The following SP100 variants were observed in gnomAD, a reference collection of about 807,000 sequenced individuals.
SP100 encodes the protein SP100 nuclear body protein, also known as nuclear autoantigen Sp-100.
In SP100, 84 loss-of-function variants were observed where a neutral mutation model predicts 130.0. That is an observed-to-expected ratio of 0.65 (90% confidence interval 0.54 to 0.77). SP100 has a LOEUF of 0.77. SP100 is among the 30% of genes least tolerant of loss of function. The pLI is 0.00. For missense variants in SP100, 978 were observed against 1,052.2 expected (o/e 0.93, Z 0.97); for synonymous variants, 331 against 351.7 (o/e 0.94, Z 0.66).
At chr2:230,461,203 T>C in intron 8 of SP100, 59 bp from the exon 9 acceptor site, 3 of 1,515,602 alleles carry the variant, frequency 2.0e-6, no homozygotes, top group African/African-American at 1.4e-5. Context: ...GAGTTATTAA[T>C]GATAGTGAAG....
chr2:230,474,292 ATTGT>A, intron 16 of SP100, 98 bp from the exon 17 acceptor site: 1 of 684,614 alleles, frequency 1.5e-6, no homozygotes, highest in Non-Finnish European at 2.6e-6. Flanking sequence ...TACTCAGAAT[ATTGT>A]TATAAACGCA....
At chr2:230,417,567 G>A (rs2062641431) in intron 1 of SP100, 24 bp from the exon 2 acceptor site, 2 of 1,605,902 alleles carry the variant, frequency 1.2e-6, no homozygotes, top group Admixed American at 1.7e-5. Flanking sequence ...TTATTTACTT[G>A]GTCCTGCCAA....
At chr2:230,442,073 A>C (rs1025096381) in intron 2 of SP100, among the ~76,000 whole-genome samples, 7 of 152,190 alleles carry the variant, frequency 4.6e-5, no homozygotes, top group African/African-American at 1.7e-4. Context: ...CAATAATGTA[A>C]CATTATTGTT....
In SP100 at chr2:230,536,237, A is replaced by G. The variant is rs1410492421; in HGVS notation, c.2095-3030A>G. ...GTTAACTTTTGATTTTTGGGTGGCTATGTGGGTCACCCATGGTATGGATTT... is the reference window on the plus strand; with the variant it reads ...GTTAACTTTTGATTTTTGGGTGGCTGTGTGGGTCACCCATGGTATGGATTT... On this transcript the variant is annotated intron_variant, in intron 24 of 28. Transcript: ENST00000340126. 6.6e-5 allele frequency among the ~76,000 whole-genome samples: 10 copies of G among 152,162 alleles called. No individual in the cohort carries two copies. In the East Asian group the frequency reaches 1.9e-3, roughly 29 times the overall value.
chr2:230,520,756 G>A (rs1691136160), intron 24 of SP100: 1 of 152,232 alleles, frequency 6.6e-6, no homozygotes. Flanking sequence ...CAACAAAGTT[G>A]AGAGTGTTCC....
At chr2:230,498,419 G>A in intron 18 of SP100, 42 bp from the exon 19 acceptor site, 1 of 1,293,534 alleles carries the variant, frequency 7.7e-7, no homozygotes, top group Non-Finnish European at 1.1e-6. Flanking sequence ...TATAATGTGA[G>A]TTTTTTACAC....
At chr2:230,424,891 T>C (rs945264156) in intron 2 of SP100, among the ~76,000 whole-genome samples, 2 of 152,172 alleles carry the variant, frequency 1.3e-5, no homozygotes, top group Non-Finnish European at 2.9e-5. Context: ...TTTGTCGTCC[T>C]ACAGAAATCA....
intron 8 of SP100, among the ~76,000 whole-genome samples, chr2:230,452,565 T>C (rs1427202352): frequency 1.3e-5 from 2 of 152,342 alleles, no homozygotes; most frequent in Admixed American, 6.5e-5. Context: ...CTCCAATCCA[T>C]GAACATGGGG....
intron 14 of SP100, among the ~76,000 whole-genome samples, 159 bp downstream of exon 14, chr2:230,469,255 T>C (rs528924517): frequency 4.3e-4 from 66 of 152,340 alleles, no homozygotes; most frequent in Non-Finnish European, 7.1e-4. Context: ...TGGGCTGGTA[T>C]AAAACATAAG....
chr2:230,524,179 C>CAAAAAAAAAAAAA (rs71420292), intron 24 of SP100, among the ~76,000 whole-genome samples: 2 of 75,388 alleles, frequency 2.7e-5, no homozygotes, highest in African/African-American at 1.1e-4. Context: ...ACTAAAAATA[C>CAAAAAAAAAAAAA]AAAAAAAAAA....
intron 24 of SP100, among the ~76,000 whole-genome samples, chr2:230,529,996 C>T (rs563170678): frequency 6.6e-6 from 1 of 152,248 alleles, no homozygotes; most frequent in East Asian, 1.9e-4. Flanking sequence ...TGAAAATGGC[C>T]ATACTGCCCA....
At chr2:230,448,766 C>A (rs976939640) in intron 5 of SP100, among the ~76,000 whole-genome samples, 10 of 152,128 alleles carry the variant, frequency 6.6e-5, no homozygotes, top group Middle Eastern at 3.2e-3. Flanking sequence ...GAGCTAAGGG[C>A]CCTGGGCAGG....
intron 8 of SP100, among the ~76,000 whole-genome samples, chr2:230,451,354 C>A (rs1400283587): frequency 6.6e-6 from 1 of 152,136 alleles, no homozygotes; most frequent in African/African-American, 2.4e-5. Context: ...TGGTGATGTT[C>A]ATTGTGGTTT....
chr2:230,460,163 ATG>A (rs1444386341), intron 8 of SP100, among the ~76,000 whole-genome samples: 1 of 152,248 alleles, frequency 6.6e-6, no homozygotes, highest in African/African-American at 2.4e-5. Flanking sequence ...ACCAACAGAA[ATG>A]TGTGTTATGT....
intron 19 of SP100, 32 bp from the exon 20 acceptor site, chr2:230,503,034 G>T: frequency 6.5e-7 from 1 of 1,537,004 alleles, no homozygotes; most frequent in Non-Finnish European, 8.9e-7. Flanking sequence ...GCAATGTAAA[G>T]AGACATTTAT....
rs77440739 is a variant in SP100, at chr2:230,430,698, T to G, written c.108-12239T>G. Among the ~76,000 whole-genome samples, 1,293 of 152,304 alleles carry G rather than the reference T, an allele frequency of 8.5e-3. 27 individuals are homozygous for G. Among genetic ancestry groups the G allele is most frequent in the African/African-American group, 0.03 (1,240 of 41,558 alleles). ...TCTACATTTGGACAGGGTGACTTGT[T>G]CTACTCCCTGCCTGGGCATGGCCAT... On this transcript the variant is annotated intron_variant, in intron 2 of 28. Transcript: ENST00000340126.
intron 17 of SP100, among the ~76,000 whole-genome samples, chr2:230,484,931 G>T (rs2065995076): frequency 1.3e-5 from 2 of 151,580 alleles, no homozygotes; most frequent in Non-Finnish European, 2.9e-5. Context: ...TTATTGGTTT[G>T]GTTTGGTTGT....
chr2:230,462,831 T>C lies in SP100; in HGVS notation c.1057+313T>C, dbSNP rs146840987. On this transcript the variant is annotated intron_variant, in intron 10 of 28. Coordinates refer to ENST00000340126, the MANE Select transcript of SP100 (RefSeq NM_001080391.2). The stretch of plus-strand genomic sequence containing the variant: ...TTTGTTTTTAAAACTAACTAGTTGC[T>C]ATGCCTATATAGTGTTAGATTTATA... Among the ~76,000 whole-genome samples, 391 of 152,378 alleles carry C rather than the reference T, an allele frequency of 2.6e-3. 3 individuals are homozygous for C. The highest frequency in any genetic ancestry group is 9.1e-3 in the African/African-American group (379 of 41,592).
intron 8 of SP100, among the ~76,000 whole-genome samples, chr2:230,460,577 A>G (rs1220729259): frequency 1.5e-5 from 2 of 136,110 alleles, no homozygotes; most frequent in Non-Finnish European, 3.1e-5. Flanking sequence ...TGTCTGGGGT[A>G]TTGGTAATCT....
Sources: gnomAD v4.1 joint callset for allele counts (sites outside exome capture counted in the v4.1 genomes callset) on GRCh38, gnomAD v4.1.1 for gene constraint, MANE v1.5 for transcripts, NCBI Gene and HGNC (gene_info 2026-07-23, HGNC 2026-07-21) for gene names.